CACNA1C: variants seen among roughly 807,000 people sequenced by gnomAD.
CACNA1C encodes voltage-dependent L-type calcium channel subunit alpha-1C.
Under a neutral mutation model 229.0 loss-of-function variants are expected in CACNA1C, and 30 were observed. That is an observed-to-expected ratio of 0.13 (90% CI 0.10 to 0.18). CACNA1C has a LOEUF of 0.18. Ranked by LOEUF, CACNA1C falls within the 10% of genes least tolerant of loss-of-function variation. The probability of loss-of-function intolerance (pLI) is 1.00; values close to 1 mark genes in which losing one functional copy is unlikely to be tolerated. For missense variants in CACNA1C, 1,658 were observed against 2,845.0 expected (o/e 0.58, Z 9.49); for synonymous variants, 1,114 against 1,132.5 (o/e 0.98, Z 0.33).
chr12:2,594,573 A>G (rs894972983), intron 19 of CACNA1C, among the ~76,000 whole-genome samples: 1 of 152,188 alleles, frequency 6.6e-6, no homozygotes, highest in Non-Finnish European at 1.5e-5. Context: ...AGTAGTTTCT[A>G]TCAATTCCTC....
chr12:2,030,195 A>G (rs2047993548), intron 1 of CACNA1C, among the ~76,000 whole-genome samples: 1 of 152,214 alleles, frequency 6.6e-6, no homozygotes, highest in Non-Finnish European at 1.5e-5. Flanking sequence ...TATAAACATG[A>G]ACATCTGAAC....
At position 2,053,346 on chromosome 12, in the gene CACNA1C, G is replaced by T; in HGVS notation, c.-217G>T. ...GATGCGTTACAGTTTCACTCGAGGA[G>T]GCAGTAGTGGAAAGGAGCAGTTTTT... On this transcript the variant is annotated 5_prime_UTR_variant, in exon 1 of 47. It adds an upstream start codon to the 5' untranslated region. Transcript: ENST00000399655. The surrounding 1 kb of genome is among the most constrained non-coding windows in gnomAD (Gnocchi z 5.8). 1.5e-6 allele frequency: 2 copies of T among 1,325,512 alleles called. No homozygotes were observed. Among genetic ancestry groups the T allele is most frequent in the Non-Finnish European group, 1.9e-6 (2 of 1,036,414 alleles). 82.1% of individuals were successfully genotyped at this position (1,325,512 alleles called of 1,614,324 possible).
chr12:2,326,918 C>T (rs2096326166), intron 3 of CACNA1C, among the ~76,000 whole-genome samples: 1 of 152,230 alleles, frequency 6.6e-6, no homozygotes. Context: ...GGCCAAACTC[C>T]AGGAGGCTCC....
At chr12:2,591,974 A>G (rs992813777) in intron 18 of CACNA1C, among the ~76,000 whole-genome samples, 3 of 152,196 alleles carry the variant, frequency 2.0e-5, no homozygotes, top group African/African-American at 7.2e-5. Flanking sequence ...CTTGATGAGG[A>G]TAACAGTCAT....
intron 1 of CACNA1C, among the ~76,000 whole-genome samples, chr12:1,981,819 G>C (rs893980344): frequency 5.3e-5 from 8 of 152,168 alleles, no homozygotes; most frequent in African/African-American, 1.9e-4. Flanking sequence ...TGAAATATGA[G>C]TAGAATTTAT....
At position 2,688,579 on chromosome 12, in the gene CACNA1C, C is replaced by T. The variant is rs774402582; in HGVS notation, c.5917C>T (p.Arg1973Trp). ...GCCCCCACAGCCCGTCCCCACCCTG[C>T]GGCTTGAGGGGGTCGAGTCCAGTGA... ...GWPPQPVPTLRLEGVESSEKL... is the reference protein window; with the variant it reads ...GWPPQPVPTLWLEGVESSEKL... The change falls in exon 46 of 47, where the codon CGG becomes TGG. Residue 1973 changes from arginine to tryptophan, a missense_variant. Physicochemically the swap from Arg to Trp is moderately radical, Grantham distance 101 (BLOSUM62 -3). Around this residue, in one of 20 missense-constraint regions of CACNA1C, gnomAD observed 590 missense variants for 700.8 expected, o/e 0.84. Transcript: ENST00000399655. 1.2e-5 allele frequency: 19 copies of T among 1,613,988 alleles called. 1 individual carries two copies. The highest frequency in any genetic ancestry group is 3.3e-4 in the Middle Eastern group (2 of 6,062).
At chr12:2,213,730 G>A (rs1194603841) in intron 3 of CACNA1C, among the ~76,000 whole-genome samples, 3 of 152,150 alleles carry the variant, frequency 2.0e-5, no homozygotes, top group African/African-American at 4.8e-5. Flanking sequence ...CCCGGGCCCC[G>A]TCCACAGAGG....
rs1317469506 is a variant in CACNA1C at position 2,602,499 on chromosome 12, G to A, written c.2960+539G>A. Reference sequence around the variant, plus strand: ...TATGTGGATGTGTGTTTGTGGCTGTGTGTATGTGTGTGTATGTATGTGTTT... The same window carrying A: ...TATGTGGATGTGTGTTTGTGGCTGTATGTATGTGTGTGTATGTATGTGTTT... On this transcript the variant is annotated intron_variant, in intron 22 of 46. Transcript: ENST00000399655. The surrounding 1 kb of genome is among the most constrained non-coding windows in gnomAD (Gnocchi z 4.4). 6.6e-6 allele frequency among the ~76,000 whole-genome samples: 1 copy of A among 151,894 alleles called. No individual in the cohort carries two copies. Among genetic ancestry groups the A allele is most frequent in the Non-Finnish European group, 1.5e-5 (1 of 67,990 alleles).
rs2099787784 is a variant in CACNA1C, at chr12:2,512,803, T to A, written c.1218-9T>A. 6.2e-7 allele frequency: 1 copy of A among 1,605,726 alleles called. No individual in the cohort carries two copies. Among genetic ancestry groups the A allele is most frequent in the South Asian group, 1.1e-5 (1 of 88,996 alleles). On this transcript the variant is annotated splice_polypyrimidine_tract_variant and intron_variant, in intron 8 of 46. Transcript: ENST00000399655. The surrounding 1 kb of genome is among the most constrained non-coding windows in gnomAD (Gnocchi z 4.3). ...TCTCCTGCCCTGCCCCTCCTCTCAC[T>A]CTCACCAGAGAGTTTTCCAAAGAGA...
chr12:2,598,001 G>A (rs770195338), intron 21 of CACNA1C, among the ~76,000 whole-genome samples: 10 of 152,204 alleles, frequency 6.6e-5, no homozygotes, highest in Non-Finnish European at 1.0e-4. Flanking sequence ...CAGATATTGG[G>A]TCTAAGCTGG....
At chr12:2,686,015 G>A in intron 44 of CACNA1C, 151 bp from the exon 45 acceptor site, 3 of 817,784 alleles carry the variant, frequency 3.7e-6, no homozygotes, top group South Asian at 1.4e-5. Context: ...ATGAGCCCTG[G>A]ACACCAGAAT....
chr12:2,584,674 T>G, intron 16 of CACNA1C, 57 bp downstream of exon 16: 25 of 1,136,328 alleles, frequency 2.2e-5, no homozygotes, highest in Non-Finnish European at 3.3e-5. Context: ...GTGGAATGTC[T>G]TCCCACTGGT....
intron 11 of CACNA1C, among the ~76,000 whole-genome samples, chr12:2,559,908 A>G (rs1400275813): frequency 6.6e-6 from 1 of 152,184 alleles, no homozygotes; most frequent in Non-Finnish European, 1.5e-5. Context: ...AGAAACAGGA[A>G]ATTTCTTTGA....
At chr12:2,195,866 C>G (rs1178097991) in intron 3 of CACNA1C, among the ~76,000 whole-genome samples, 1 of 152,192 alleles carries the variant, frequency 6.6e-6, no homozygotes, top group African/African-American at 2.4e-5. Flanking sequence ...TTAGTCCACT[C>G]CTTCATTTTA....
intron 11 of CACNA1C, among the ~76,000 whole-genome samples, chr12:2,565,952 C>T (rs1028871852): frequency 2.6e-5 from 4 of 152,152 alleles, no homozygotes; most frequent in Non-Finnish European, 4.4e-5. Context: ...CCACAAAAAT[C>T]AGGATAATGC....
intron 10 of CACNA1C, among the ~76,000 whole-genome samples, chr12:2,552,795 C>T (rs1218154043): frequency 1.3e-5 from 2 of 151,972 alleles, no homozygotes; most frequent in Admixed American, 1.3e-4. Flanking sequence ...AAATGGGCCA[C>T]GACAGAGTGC....
chr12:2,485,126 G>A (rs1247274155), intron 5 of CACNA1C, among the ~76,000 whole-genome samples: 2 of 152,118 alleles, frequency 1.3e-5, no homozygotes, highest in Non-Finnish European at 2.9e-5. Flanking sequence ...AAAGTGACCT[G>A]TGTAGTGCGA....
At chr12:2,035,300 A>G (rs1043183628) in intron 1 of CACNA1C, among the ~76,000 whole-genome samples, 2 of 152,248 alleles carry the variant, frequency 1.3e-5, no homozygotes, top group African/African-American at 2.4e-5. Context: ...CGAGAAAACC[A>G]TTCTTTCCTC....
intron 3 of CACNA1C, among the ~76,000 whole-genome samples, chr12:2,140,253 G>A (rs1219341421): frequency 6.6e-6 from 1 of 151,390 alleles, no homozygotes; most frequent in Admixed American, 6.6e-5. Flanking sequence ...TTGCAGAATG[G>A]TCGGAGACCC....
Sources: allele counts gnomAD v4.1 joint callset (sites outside exome capture counted in the v4.1 genomes callset), GRCh38; gene constraint gnomAD v4.1.1; regional missense constraint gnomAD v4.1.1; non-coding constraint Gnocchi (gnomAD v3.1); transcripts MANE v1.5; gene names NCBI Gene and HGNC (gene_info 2026-07-23, HGNC 2026-07-21).